Variants in VPS35L observed in about 807,000 individuals in gnomAD.
VPS35L encodes VPS35 endosomal protein sorting factor like.
VPS35L carries 83 observed loss-of-function variants against 133.0 expected under a neutral mutation model. The observed-to-expected ratio is 0.62, with a 90% confidence interval of 0.52 to 0.75. The LOEUF (loss-of-function observed/expected upper bound fraction) is 0.75, where lower values mean the gene tolerates loss of function less well. Ranked by LOEUF, VPS35L falls within the 30% of genes least tolerant of loss-of-function variation. The pLI is 0.00. For missense variants in VPS35L, 1,083 were observed against 1,206.8 expected (o/e 0.90, Z 1.52); for synonymous variants, 423 against 449.9 (o/e 0.94, Z 0.76).
At chr16:19,624,595 AAAC>A (rs1028020196) in intron 14 of VPS35L, among the ~76,000 whole-genome samples, 5 of 151,526 alleles carry the variant, frequency 3.3e-5, no homozygotes, top group South Asian at 2.1e-4. Flanking sequence ...CTGTCTCAAA[AAAC>A]AAACAAACAA....
At chr16:19,685,703 G>C (rs878941615) in intron 28 of VPS35L, among the ~76,000 whole-genome samples, 2 of 152,158 alleles carry the variant, frequency 1.3e-5, no homozygotes, top group Admixed American at 1.3e-4. Context: ...CATGTCAGCT[G>C]TTCTAGGAGT....
At chr16:19,616,262 G>T in intron 13 of VPS35L, 71 bp downstream of exon 13, 1 of 1,372,216 alleles carries the variant, frequency 7.3e-7, no homozygotes, top group Non-Finnish European at 1.0e-6. Context: ...AAACCCAGTT[G>T]GTTTTCCAAG....
chr16:19,669,319 C>T lies in VPS35L; in HGVS notation c.2361+20C>T, dbSNP rs920195630. ...GTTCCGGTACGTTTCCTCAGCAGAA[C>T]CGCAGGACATGTCTTCCTTTCACCT... On this transcript the variant is annotated intron_variant, in intron 27 of 30. Coordinates refer to ENST00000417362, the MANE Select transcript of VPS35L (RefSeq NM_020314.7). 1.9e-6 allele frequency: 3 copies of T among 1,592,194 alleles called. No homozygotes were observed. The highest frequency in any genetic ancestry group is 2.2e-5 in the South Asian group (2 of 89,104).
intron 3 of VPS35L, among the ~76,000 whole-genome samples, chr16:19,571,688 G>A (rs1971390197): frequency 6.6e-6 from 1 of 152,040 alleles, no homozygotes; most frequent in African/African-American, 2.4e-5. Flanking sequence ...GGGATTACAG[G>A]CATGTGCCAC....
chr16:19,583,376 A>G (rs1971767075), intron 7 of VPS35L, among the ~76,000 whole-genome samples: 1 of 152,136 alleles, frequency 6.6e-6, no homozygotes, highest in African/African-American at 2.4e-5. Flanking sequence ...CTTCTCTCAC[A>G]TAGTGTAATG....
chr16:19,632,487 T>C (rs1164342969), intron 18 of VPS35L, among the ~76,000 whole-genome samples: 1 of 152,246 alleles, frequency 6.6e-6, no homozygotes, highest in African/African-American at 2.4e-5. Context: ...ATTGGGTCTT[T>C]TGCTCTATAG....
chr16:19,564,721 G>T, intron 1 of VPS35L, 130 bp from the exon 2 acceptor site: 2 of 664,788 alleles, frequency 3.0e-6, no homozygotes, highest in Non-Finnish European at 5.1e-6. Flanking sequence ...TTTAAATGTA[G>T]TTTCTTTTTA....
chr16:19,570,874 TATATATATATA>T (rs1567388732), intron 3 of VPS35L, among the ~76,000 whole-genome samples: 18 of 88,222 alleles, frequency 2.0e-4, no homozygotes, highest in African/African-American at 1.0e-3. Context: ...TATATATATA[TATATATATATA>T]TATATTTTTG....
chr16:19,696,997 T>C (rs540157967), intron 29 of VPS35L, among the ~76,000 whole-genome samples: 51 of 152,200 alleles, frequency 3.4e-4, no homozygotes, highest in Non-Finnish European at 5.7e-4. Context: ...GAGAGCAGGA[T>C]GGGCTCAGGT....
At chr16:19,623,423 T>A (rs1973147269) in intron 14 of VPS35L, among the ~76,000 whole-genome samples, 1 of 152,134 alleles carries the variant, frequency 6.6e-6, no homozygotes, top group Non-Finnish European at 1.5e-5. Context: ...TCCTGTGGGA[T>A]TCGGATCCCA....
At chr16:19,580,444 T>A (rs1971673710) in intron 6 of VPS35L, among the ~76,000 whole-genome samples, 1 of 152,046 alleles carries the variant, frequency 6.6e-6, no homozygotes, top group Non-Finnish European at 1.5e-5. Flanking sequence ...CGTTTTTCAC[T>A]TTGAATTGTA....
chr16:19,574,911 A>T (rs1971485158), intron 4 of VPS35L, among the ~76,000 whole-genome samples, 187 bp from the exon 5 acceptor site: 1 of 152,094 alleles, frequency 6.6e-6, no homozygotes, highest in South Asian at 2.1e-4. Context: ...AAATTTTAGT[A>T]TTTGTCTGCT....
intron 28 of VPS35L, among the ~76,000 whole-genome samples, chr16:19,688,446 A>T (rs1215004608): frequency 3.9e-5 from 6 of 152,246 alleles, no homozygotes; most frequent in Non-Finnish European, 8.8e-5. Context: ...CCTAAGCCAC[A>T]AAACTGGATT....
intron 10 of VPS35L, chr16:19,608,595 A>G (rs555996776): frequency 5.3e-4 from 206 of 390,886 alleles, no homozygotes; most frequent in Non-Finnish European, 8.0e-4. Context: ...AACTTGAAAG[A>G]ACAGGGTCAA....
At chr16:19,620,725 C>T (rs749038674) in intron 14 of VPS35L, among the ~76,000 whole-genome samples, 3 of 152,102 alleles carry the variant, frequency 2.0e-5, no homozygotes, top group Non-Finnish European at 2.9e-5. Context: ...CCAAGGCGGG[C>T]GGATCTCTTG....
At position 19,646,110 on chromosome 16, in the gene VPS35L, G is replaced by T. The variant is rs1344617008; in HGVS notation, c.1929+1161G>T. ...TTTTTATTAGTTCTCAAACTCTGCG[G>T]ATCAGCTTGGTAACCAGGCTGCTAC... On this transcript the variant is annotated intron_variant, in intron 23 of 30. Coordinates refer to ENST00000417362, the MANE Select transcript of VPS35L (RefSeq NM_020314.7). 1.2e-4 allele frequency among the ~76,000 whole-genome samples: 19 copies of T among 152,136 alleles called. 1 individual carries two copies.
chr16:19,576,634 C>T (rs1216697819), intron 5 of VPS35L, among the ~76,000 whole-genome samples: 6 of 152,070 alleles, frequency 3.9e-5, no homozygotes, highest in Non-Finnish European at 8.8e-5. Context: ...TAGTTCATTG[C>T]AGGTCTCTGA....
intron 9 of VPS35L, among the ~76,000 whole-genome samples, chr16:19,603,739 A>G (rs770420803): frequency 6.6e-6 from 1 of 151,952 alleles, no homozygotes; most frequent in African/African-American, 2.4e-5. Flanking sequence ...TTATTTATTT[A>G]TTTATTTTTG....
Position 19,659,278 on chromosome 16 carries a change from G to A in VPS35L, c.2221+7188G>A, listed in dbSNP as rs573792083. Among the ~76,000 whole-genome samples, 16 of 152,286 alleles carry A rather than the reference G, an allele frequency of 1.1e-4. No homozygotes were observed. In the South Asian group the frequency reaches 3.3e-3, roughly 32 times the overall value. ...TCATCCTGTAGTATCTCCGAGGTAG[G>A]AGTTAGGTAACACATGGGCTGAGCA... is the stretch of plus-strand genomic sequence containing the variant. On this transcript the variant is annotated intron_variant, in intron 26 of 30. Transcript: ENST00000417362.
Sources: gnomAD v4.1 joint callset for allele counts (sites outside exome capture counted in the v4.1 genomes callset) on GRCh38, gnomAD v4.1.1 for gene constraint, MANE v1.5 for transcripts, NCBI Gene and HGNC (gene_info 2026-07-23, HGNC 2026-07-21) for gene names.